The following CRELD1 variants were observed in gnomAD, a reference collection of about 807,000 sequenced individuals.
CRELD1 encodes the protein CRELD disulfide isomerase 1.
CRELD1 carries 42 observed loss-of-function variants against 58.2 expected under a neutral mutation model. That is an observed-to-expected ratio of 0.72 (90% CI 0.56 to 0.93). The LOEUF (loss-of-function observed/expected upper bound fraction) is 0.93. Ranked by LOEUF, CRELD1 falls within the 40% of genes least tolerant of loss-of-function variation. The probability of loss-of-function intolerance (pLI) is 0.00; values close to 1 mark genes in which losing one functional copy is unlikely to be tolerated. For missense variants in CRELD1, 500 were observed against 540.6 expected, an observed-to-expected ratio of 0.92 and a Z score of 0.74; for synonymous variants, 222 against 202.0, an observed-to-expected ratio of 1.10 and a Z score of -0.84.
Position 9,943,581 on chromosome 3 carries a change from G to A in CRELD1, c.1048+66G>A, listed in dbSNP as rs1482412827. On this transcript the variant is annotated intron_variant, in intron 10 of 10. Transcript: ENST00000452070. ...AGAAGGCAGGCAAGCCCCTTCCCCA[G>A]GTAGCAGTGGCAGCTCCAGGCCCTG... The A allele has an allele frequency of 1.9e-6, 3 of 1,610,590 alleles. No individual in the cohort carries two copies. In the African/African-American group the frequency reaches 4.0e-5, roughly 22 times the overall value.
At position 9,943,278 on chromosome 3, in the gene CRELD1, T is replaced by C. The variant is rs978881304; in HGVS notation, c.914-103T>C. ...GGTGGGGGAAGGAAGGGTGGAATGTTGCCTGGGCAAGGGCAGAGGGGAGTG... is the reference window on the plus strand; with the variant it reads ...GGTGGGGGAAGGAAGGGTGGAATGTCGCCTGGGCAAGGGCAGAGGGGAGTG... On this transcript the variant is annotated intron_variant, in intron 9 of 10. Transcript: ENST00000452070. The C allele has an allele frequency of 1.9e-6, 3 of 1,602,138 alleles. No homozygotes were observed. In the African/African-American group the frequency reaches 4.1e-5, roughly 22 times the overall value.
At chr3:9,944,127 C>T (rs759660568) in intron 10 of CRELD1, 2 of 788,666 alleles carry the variant, frequency 2.5e-6, no homozygotes, top group South Asian at 1.3e-5. Context: ...ACTTGTCCAC[C>T]ACATGGCCTT....
rs746207786 is a variant in CRELD1 at position 9,934,875 on chromosome 3, A to G, written c.215A>G (p.Asn72Ser). The G allele has an allele frequency of 9.3e-6, 15 of 1,613,086 alleles. No homozygotes were observed. The highest frequency in any genetic ancestry group is 1.2e-5 in the Non-Finnish European group (14 of 1,179,684). ...RTIRDNFGGG[N>S]TAWEEENLSK... is the part of the protein sequence containing the mutation. ...ATCCGGGACAACTTTGGAGGTGGAA[A>G]CACTGCCTGGGAGGAAGAGAATTTG... is the stretch of plus-strand genomic sequence containing the variant. The change falls in exon 3 of 11, where the codon AAC (asparagine) becomes AGC (serine). Residue 72 changes from asparagine (N) to serine (S), a missense_variant. Coordinates refer to ENST00000452070, the MANE Select transcript of CRELD1 (RefSeq NM_001077415.3).
At chr3:9,940,021 C>T (rs1399937071) in intron 5 of CRELD1, among the ~76,000 whole-genome samples, 2 of 152,234 alleles carry the variant, frequency 1.3e-5, no homozygotes, top group East Asian at 3.9e-4. Context: ...CTTCTCACTT[C>T]CCAGACGGGG....
At position 9,933,875 on chromosome 3, in the gene CRELD1, C is replaced by T. The variant is rs2125325612; in HGVS notation, c.-65C>T. 1 of 475,838 alleles carries T rather than the reference C, an allele frequency of 2.1e-6. No homozygotes were observed. The highest frequency in any genetic ancestry group is 2.0e-5 in the African/African-American group (1 of 48,870). The allele number at this position is 475,838 out of a possible 1,614,324, so 29.5% of individuals were successfully genotyped here. A position where few individuals can be genotyped will look rare whatever the true frequency, so the allele number is the denominator to read the frequency against. ...GCGGTGAGGAGACGGCCCACGGCGC[C>T]CGCGGGCTGGGGCGGTCGCTTCTTC... On this transcript the variant is annotated 5_prime_UTR_variant, in exon 1 of 11. Transcript: ENST00000452070.
intron 7 of CRELD1, 84 bp from the exon 8 acceptor site, chr3:9,942,729 G>C: frequency 9.3e-7 from 1 of 1,072,152 alleles, no homozygotes; most frequent in African/African-American, 1.5e-5. Context: ...TTTAATCCCA[G>C]GCAAGACCAT....
In CRELD1 at chr3:9,944,746, C is replaced by T. The variant is rs149141521; in HGVS notation, c.*167C>T. 762 of 675,874 alleles carry T rather than the reference C, an allele frequency of 1.1e-3. 3 individuals are homozygous for T. In the African/African-American group the frequency reaches 0.012, roughly 11 times the overall value. The allele number at this position is 675,874 out of a possible 1,614,324, so 41.9% of individuals were successfully genotyped here. ...GTACCCAGGCCCGGGCAGACAAGGC[C>T]CCTGGGGTAAAAAGTAGCCCTGAAG... is the stretch of plus-strand genomic sequence containing the variant. On this transcript the variant is annotated 3_prime_UTR_variant, in exon 11 of 11. Transcript: ENST00000452070.
rs1445405898 is a variant in CRELD1, at chr3:9,944,946, C to A, written c.*367C>A. 1 of 359,038 alleles carries A rather than the reference C, an allele frequency of 2.8e-6. No individual in the cohort carries two copies. Among genetic ancestry groups the A allele is most frequent in the East Asian group, 6.7e-5 (1 of 14,824 alleles). 22.2% of individuals were successfully genotyped at this position (359,038 alleles called of 1,614,324 possible). ...TCCTGCCAGCTGCATGCTGCCAGTTCCTGTTCTGTGTTCACCACATCCCCA... is the reference window on the plus strand; with the variant it reads ...TCCTGCCAGCTGCATGCTGCCAGTTACTGTTCTGTGTTCACCACATCCCCA... On this transcript the variant is annotated 3_prime_UTR_variant, in exon 11 of 11. Coordinates refer to ENST00000452070, the MANE Select transcript of CRELD1 (RefSeq NM_001077415.3).
chr3:9,939,334 TG>T (rs1399305241), intron 5 of CRELD1, among the ~76,000 whole-genome samples: 2 of 152,220 alleles, frequency 1.3e-5, no homozygotes, highest in Non-Finnish European at 2.9e-5. Context: ...TTGTTTTTTT[TG>T]TTTTTTTGTC....
In CRELD1 at chr3:9,937,613, C is replaced by G; in HGVS notation, c.309C>G (p.Phe103Leu). 6.2e-7 allele frequency: 1 copy of G among 1,612,532 alleles called. No homozygotes were observed. Among genetic ancestry groups the G allele is most frequent in the Non-Finnish European group, 8.5e-7 (1 of 1,179,710 alleles). The change falls in exon 4 of 11, where the codon TTC becomes TTG. Residue 103 changes from phenylalanine (F) to leucine (L), a missense_variant. Coordinates refer to ENST00000452070, the MANE Select transcript of CRELD1 (RefSeq NM_001077415.3). ...AGGGTGTGTGCAGCAAGTCAGACTT[C>G]GAGTGCCACCGCCTGCTGGAGCTGA... ...VLEGVCSKSD[F>L]ECHRLLELSE...
chr3:9,941,816 A>AAG (rs2085377596), intron 7 of CRELD1, among the ~76,000 whole-genome samples: 1 of 148,504 alleles, frequency 6.7e-6, no homozygotes. Flanking sequence ...AAAAAAAAAA[A>AAG]TGAGGAAGGG....
chr3:9,942,161 C>T (rs2085386844), intron 7 of CRELD1, among the ~76,000 whole-genome samples: 1 of 151,914 alleles, frequency 6.6e-6, no homozygotes, highest in South Asian at 2.1e-4. Context: ...ATCCCAGCTA[C>T]TCGGGAGGCA....
Position 9,944,847 on chromosome 3 carries a change from A to C in CRELD1, c.*268A>C. On this transcript the variant is annotated 3_prime_UTR_variant, in exon 11 of 11. Coordinates refer to ENST00000452070, the MANE Select transcript of CRELD1 (RefSeq NM_001077415.3). ...TGTGAATTTCAAAAGTTTTTCCTTA[A>C]TGGTGGCTGCTAGAGCTTTGGCCCC... 1 of 493,804 alleles carries C rather than the reference A, an allele frequency of 2.0e-6. No homozygotes were observed. Among genetic ancestry groups the C allele is most frequent in the East Asian group, 3.9e-5 (1 of 25,824 alleles). 30.6% of individuals were successfully genotyped at this position (493,804 alleles called of 1,614,324 possible). A position where few individuals can be genotyped will look rare whatever the true frequency, so the allele number is the denominator to read the frequency against.
chr3:9,938,091 G>T lies in CRELD1; in HGVS notation c.445G>T (p.Gly149Trp), dbSNP rs747855475. 1 of 1,613,556 alleles carries T rather than the reference G, an allele frequency of 6.2e-7. No individual in the cohort carries two copies. Among genetic ancestry groups the T allele is most frequent in the South Asian group, 1.1e-5 (1 of 91,058 alleles). Residue 149 changes from glycine (G) to tryptophan (W), a missense_variant, in exon 5 of 11, where the codon GGG becomes TGG. By Grantham distance (184) the Gly-to-Trp change is radical. Transcript: ENST00000452070. ...GCTCTGCTGCCCCGCAGGCACCTTC[G>T]GGCCCTCCTGCCTTCGTGAGTTTTT... ...LKLCCPAGTFGPSCLPCPGGT... is the reference protein window; with the variant it reads ...LKLCCPAGTFWPSCLPCPGGT...
intron 9 of CRELD1, 54 bp downstream of exon 9, chr3:9,943,226 A>C: frequency 6.3e-7 from 1 of 1,588,700 alleles, no homozygotes. Flanking sequence ...ACCCAGCATG[A>C]ATGGTGAAGA....
intron 5 of CRELD1, among the ~76,000 whole-genome samples, chr3:9,940,410 A>C (rs929715303): frequency 8.4e-4 from 128 of 152,178 alleles, no homozygotes; most frequent in Non-Finnish European, 1.0e-3. Context: ...CTCCGTCTGC[A>C]ATCCCGGCAC....
rs773103657 is a variant in CRELD1 at position 9,937,681 on chromosome 3, C to A, written c.368+9C>A. On this transcript the variant is annotated intron_variant, in intron 4 of 10. Transcript: ENST00000452070. ...AGCTGGTGGTTTCACAAGTGAGTGG[C>A]AAAGGGCCTTCCCTGGAAGTGGGTC... 3.2e-6 allele frequency: 5 copies of A among 1,580,762 alleles called. No individual in the cohort carries two copies. In the South Asian group the frequency reaches 5.7e-5, roughly 18 times the overall value.
intron 8 of CRELD1, 77 bp from the exon 9 acceptor site, chr3:9,943,000 C>G (rs2085409886): frequency 1.3e-6 from 2 of 1,545,516 alleles, no homozygotes; most frequent in African/African-American, 2.7e-5. Context: ...AGAGCACCCC[C>G]AGGCCTCCGC....
At chr3:9,939,352 A>AT (rs1161461097) in intron 5 of CRELD1, among the ~76,000 whole-genome samples, 1 of 151,804 alleles carries the variant, frequency 6.6e-6, no homozygotes, top group Non-Finnish European at 1.5e-5. Context: ...TGTCTTTTTT[A>AT]TTGATCATTC....
Sources: allele counts gnomAD v4.1 joint callset (sites outside exome capture counted in the v4.1 genomes callset), GRCh38; gene constraint gnomAD v4.1.1; transcripts MANE v1.5; gene names NCBI Gene and HGNC (gene_info 2026-07-23, HGNC 2026-07-21).